The following AGPS variants were observed in gnomAD, a reference collection of about 807,000 sequenced individuals.
AGPS encodes the protein alkyldihydroxyacetonephosphate synthase, peroxisomal.
Under a neutral mutation model 90.7 loss-of-function variants are expected in AGPS, and 26 were observed. That is an observed-to-expected ratio of 0.29 (90% CI 0.21 to 0.40). AGPS has a LOEUF of 0.40. AGPS is among the 10% of genes least tolerant of loss of function. The pLI is 1.00. For missense variants in AGPS, 540 were observed against 816.1 expected (o/e 0.66, Z 4.12); for synonymous variants, 294 against 285.3 (o/e 1.03, Z -0.31).
At position 177,453,477 on chromosome 2, in the gene AGPS, G is replaced by A. The variant is rs755458140; in HGVS notation, c.870+7851G>A. Among the ~76,000 whole-genome samples, 131 of 151,798 alleles carry A rather than the reference G, an allele frequency of 8.6e-4. 1 individual carries two copies. Among genetic ancestry groups the A allele is most frequent in the Non-Finnish European group, 2.5e-4 (17 of 67,936 alleles). ...GTAGAGATGGGGTTTTACCATGTTGGTCAGGCTGGTCTAAAACTCCTGACC... is the reference window on the plus strand; with the variant it reads ...GTAGAGATGGGGTTTTACCATGTTGATCAGGCTGGTCTAAAACTCCTGACC... On this transcript the variant is annotated intron_variant, in intron 8 of 19. Coordinates refer to ENST00000264167, the MANE Select transcript of AGPS (RefSeq NM_003659.4).
chr2:177,491,538 A>G (rs1411228099), intron 11 of AGPS, among the ~76,000 whole-genome samples: 2 of 151,188 alleles, frequency 1.3e-5, no homozygotes, highest in African/African-American at 4.9e-5. Flanking sequence ...TGGCTTCCCA[A>G]AGTGCTGGGA....
intron 1 of AGPS, among the ~76,000 whole-genome samples, chr2:177,408,346 G>A (rs1028192112): frequency 1.3e-5 from 2 of 152,064 alleles, no homozygotes; most frequent in Admixed American, 1.3e-4. Flanking sequence ...ATATATTCTT[G>A]TGCTAAAGGA....
intron 1 of AGPS, among the ~76,000 whole-genome samples, chr2:177,417,683 C>A (rs551759557): frequency 4.1e-4 from 63 of 152,248 alleles, no homozygotes; most frequent in African/African-American, 1.3e-3. Context: ...TGGGCAGTTT[C>A]TTTATCTGAA....
chr2:177,531,323 C>G (rs2079135220), intron 19 of AGPS, among the ~76,000 whole-genome samples: 1 of 152,064 alleles, frequency 6.6e-6, no homozygotes, highest in African/African-American at 2.4e-5. Context: ...AGATCACACA[C>G]AAAAATCAAT....
intron 15 of AGPS, among the ~76,000 whole-genome samples, chr2:177,507,367 G>T (rs1688745434): frequency 6.6e-6 from 1 of 152,046 alleles, no homozygotes; most frequent in Non-Finnish European, 1.5e-5. Flanking sequence ...AGTATTATAA[G>T]TTACTTGTAA....
In AGPS at chr2:177,410,699, C is replaced by T. The variant is rs147988768; in HGVS notation, c.261-9570C>T. 4.0e-3 allele frequency among the ~76,000 whole-genome samples: 609 copies of T among 152,242 alleles called. 5 individuals are homozygous for T. The highest frequency in any genetic ancestry group is 0.032 in the East Asian group (167 of 5,166). ...GTTGTCCGGGACAGGGAGAGTAAGA[C>T]TGAGAAGGCCACACCAGTGTCCAGG... On this transcript the variant is annotated intron_variant, in intron 1 of 19. Transcript: ENST00000264167.
intron 15 of AGPS, 85 bp downstream of exon 15, chr2:177,505,660 C>T: frequency 8.0e-7 from 1 of 1,254,992 alleles, no homozygotes; most frequent in South Asian, 1.2e-5. Context: ...AATTGTCTTC[C>T]CTATTTTTTA....
rs911020261 is a variant in AGPS, at chr2:177,540,035, AT to A, written c.*1841del. On this transcript the variant is annotated 3_prime_UTR_variant, in exon 20 of 20. Transcript: ENST00000264167. ...GGTACTAATGTCTCACTGGAAGTAT[AT>A]ATATATATATATATATATGTATGCA... 7.9e-4 allele frequency: 93 copies of A among 117,268 alleles called. 1 individual carries two copies. Among genetic ancestry groups the A allele is most frequent in the South Asian group, 9.4e-4 (3 of 3,178 alleles). 7.3% of individuals were successfully genotyped at this position (117,268 alleles called of 1,614,324 possible). A position where few individuals can be genotyped will look rare whatever the true frequency, so the allele number is the denominator to read the frequency against.
chr2:177,447,602 CTT>C (rs58821141), intron 8 of AGPS, among the ~76,000 whole-genome samples: 2 of 140,196 alleles, frequency 1.4e-5, no homozygotes, highest in Non-Finnish European at 1.6e-5. Context: ...TCCAAGTTTT[CTT>C]TTTTTTTTTT....
intron 1 of AGPS, among the ~76,000 whole-genome samples, chr2:177,403,186 A>G (rs1444338057): frequency 6.6e-6 from 1 of 152,246 alleles, no homozygotes; most frequent in South Asian, 2.1e-4. Flanking sequence ...ATGTAGGTCT[A>G]CTAAGGAAGA....
chr2:177,447,747 T>C (rs1686820333), intron 8 of AGPS, among the ~76,000 whole-genome samples: 1 of 152,122 alleles, frequency 6.6e-6, no homozygotes, highest in Non-Finnish European at 1.5e-5. Context: ...CTTTTTTGCC[T>C]CCAGTAGGCT....
Position 177,534,513 on chromosome 2 carries a change from G to A in AGPS, c.1856-3561G>A, listed in dbSNP as rs149810219. ...ATTAGAAATTAAATTGTAAAACAGTGAACTCCATTTTTAATTTAAGCACAG... is the reference window on the plus strand; with the variant it reads ...ATTAGAAATTAAATTGTAAAACAGTAAACTCCATTTTTAATTTAAGCACAG... On this transcript the variant is annotated intron_variant, in intron 19 of 19. Coordinates refer to ENST00000264167, the MANE Select transcript of AGPS (RefSeq NM_003659.4). Among the ~76,000 whole-genome samples the A allele has an allele frequency of 5.6e-3, 854 of 151,880 alleles. 9 individuals are homozygous for A. The highest frequency in any genetic ancestry group is 0.02 in the African/African-American group (813 of 41,482).
chr2:177,507,475 T>A (rs1425863989), intron 15 of AGPS, among the ~76,000 whole-genome samples: 3 of 152,180 alleles, frequency 2.0e-5, no homozygotes, highest in Non-Finnish European at 4.4e-5. Context: ...TGCACTATAT[T>A]ACTATGTTTT....
intron 14 of AGPS, 45 bp downstream of exon 14, chr2:177,499,775 A>G: frequency 7.8e-7 from 1 of 1,277,800 alleles, no homozygotes; most frequent in Non-Finnish European, 1.1e-6. Flanking sequence ...GTTAAAAGCT[A>G]AGATTCTAAT....
At chr2:177,506,833 A>T (rs555371969) in intron 15 of AGPS, among the ~76,000 whole-genome samples, 1 of 152,148 alleles carries the variant, frequency 6.6e-6, no homozygotes, top group South Asian at 2.1e-4. Context: ...CATAGTAAGC[A>T]TTTTGAATAT....
intron 8 of AGPS, among the ~76,000 whole-genome samples, chr2:177,459,678 G>GTTGTGGTTGTGGAAA (rs1687228566): frequency 1.3e-5 from 2 of 152,204 alleles, no homozygotes; most frequent in Non-Finnish European, 2.9e-5. Flanking sequence ...ACATATGCTG[G>GTTGTGGTTGTGGAAA]AGAGGTTGTG....
chr2:177,537,885 C>A (rs2079198116), intron 19 of AGPS, among the ~76,000 whole-genome samples, 189 bp from the exon 20 acceptor site: 2 of 152,070 alleles, frequency 1.3e-5, no homozygotes, highest in African/African-American at 4.8e-5. Flanking sequence ...GCACAGACTT[C>A]CCCTGGGAAT....
intron 10 of AGPS, among the ~76,000 whole-genome samples, chr2:177,470,852 C>A (rs903569733): frequency 2.0e-5 from 3 of 152,024 alleles, no homozygotes; most frequent in African/African-American, 4.8e-5. Context: ...TTTATCAGAT[C>A]TGGATTTCCA....
At chr2:177,494,585 T>C (rs530409764) in intron 12 of AGPS, among the ~76,000 whole-genome samples, 98 of 152,332 alleles carry the variant, frequency 6.4e-4, no homozygotes, top group Admixed American at 1.2e-3. Flanking sequence ...TTATTTATAA[T>C]TGGAGTCCAT....
Sources: gnomAD v4.1 joint callset for allele counts (sites outside exome capture counted in the v4.1 genomes callset) on GRCh38, gnomAD v4.1.1 for gene constraint, MANE v1.5 for transcripts, NCBI Gene and HGNC (gene_info 2026-07-23, HGNC 2026-07-21) for gene names.